The following TLNRD1 variants were observed in gnomAD, a reference collection of about 807,000 sequenced individuals.
TLNRD1 encodes talin rod domain-containing protein 1.
Under a neutral mutation model 19.5 loss-of-function variants are expected in TLNRD1, and 14 were observed. The ratio of observed to expected loss-of-function variants is 0.72; its 90% CI spans 0.47 to 1.12. The LOEUF (loss-of-function observed/expected upper bound fraction) is 1.12. TLNRD1 is among the 50% of genes most tolerant of loss of function. The pLI is 0.00. For missense variants in TLNRD1, 569 were observed against 531.9 expected (o/e 1.07, Z -0.69); for synonymous variants, 345 against 261.7 (o/e 1.32, Z -3.07).
chr15:81,002,421 G>C lies in TLNRD1; in HGVS notation c.150G>C (p.Leu50=). The change falls in exon 1 of 1, where the codon CTG becomes CTC. Residue 50 remains leucine, a synonymous_variant. Transcript: ENST00000267984. The part of the protein sequence containing the change: ...CKGKMQLVAD[L]LLLSSEARPV... Reference sequence around the variant, plus strand: ...GCAAGATGCAGCTGGTGGCTGACCTGCTGCTGCTGTCGAGCGAGGCGCGGC... The same window carrying C: ...GCAAGATGCAGCTGGTGGCTGACCTCCTGCTGCTGTCGAGCGAGGCGCGGC... 1 of 1,553,698 alleles carries C rather than the reference G, an allele frequency of 6.4e-7. No individual in the cohort carries two copies. Among genetic ancestry groups the C allele is most frequent in the Non-Finnish European group, 8.6e-7 (1 of 1,156,840 alleles).
At position 81,002,363 on chromosome 15, in the gene TLNRD1, A is replaced by G; in HGVS notation, c.92A>G (p.Lys31Arg). ...AIGGASSQPR[K>R]RLVSVCDHCK... is the part of the protein sequence containing the mutation. ...GGCGGGGCCAGCTCGCAGCCGCGGA[A>G]GAGGCTGGTATCCGTCTGCGACCAC... The change falls in exon 1 of 1, where the codon AAG becomes AGG. Residue 31 changes from lysine to arginine, a missense_variant. Coordinates refer to ENST00000267984, the MANE Select transcript of TLNRD1 (RefSeq NM_022566.3). 1 of 1,464,022 alleles carries G rather than the reference A, an allele frequency of 6.8e-7. No homozygotes were observed. The highest frequency in any genetic ancestry group is 9.0e-7 in the Non-Finnish European group (1 of 1,106,176). The allele number at this position is 1,464,022 out of a possible 1,614,324, so 90.7% of individuals were successfully genotyped here.
In TLNRD1 at chr15:81,002,005, C is replaced by G. The variant is rs1893417896; in HGVS notation, c.-267C>G. 1 of 264,712 alleles carries G rather than the reference C, an allele frequency of 3.8e-6. No homozygotes were observed. Among genetic ancestry groups the G allele is most frequent in the East Asian group, 6.8e-5 (1 of 14,730 alleles). 16.4% of individuals were successfully genotyped at this position (264,712 alleles called of 1,614,324 possible). ...CCCCGGTTCATGGTTCCTGCAAGCC[C>G]TCTAGGAGGCCGAAAGCTGCAGCCC... On this transcript the variant is annotated 5_prime_UTR_variant, in exon 1 of 1. Coordinates refer to ENST00000267984, the MANE Select transcript of TLNRD1 (RefSeq NM_022566.3).
chr15:81,003,208 C>T lies in TLNRD1; in HGVS notation c.937C>T (p.Pro313Ser). Residue 313 changes from proline (P) to serine (S), a missense_variant, in exon 1 of 1, where the codon CCC (proline) becomes TCC (serine). Transcript: ENST00000267984. ...TQCLRDLAQH[P>S]DGGAKMSDHR... ...GTGCCTCAGGGATCTGGCGCAGCACCCCGACGGGGGCGCCAAGATGTCGGA... is the reference window on the plus strand; with the variant it reads ...GTGCCTCAGGGATCTGGCGCAGCACTCCGACGGGGGCGCCAAGATGTCGGA... 2 of 1,597,672 alleles carry T rather than the reference C, an allele frequency of 1.3e-6. No homozygotes were observed. Among genetic ancestry groups the T allele is most frequent in the East Asian group, 2.3e-5 (1 of 44,256 alleles).
At position 81,002,281 on chromosome 15, in the gene TLNRD1, G is replaced by T; in HGVS notation, c.10G>T (p.Gly4Cys). The T allele has an allele frequency of 7.8e-7, 1 of 1,285,672 alleles. No individual in the cohort carries two copies. Among genetic ancestry groups the T allele is most frequent in the Non-Finnish European group, 9.9e-7 (1 of 1,014,392 alleles). 79.6% of individuals were successfully genotyped at this position (1,285,672 alleles called of 1,614,324 possible). A position where few individuals can be genotyped will look rare whatever the true frequency, so the allele number is the denominator to read the frequency against. The change falls in exon 1 of 1, where the codon GGC (glycine) becomes TGC (cysteine). Residue 4 changes from glycine to cysteine, a missense_variant. Gly to Cys is a radical substitution (Grantham distance 159). Transcript: ENST00000267984. ...GTGCCCCCCGGGCGCGATGGCTAGC[G>T]GCAGCGCCGGGAAGCCCACTGGCGA... is the stretch of plus-strand genomic sequence containing the variant. MASGSAGKPTGEAA... is the reference protein window; with the variant it reads MASCSAGKPTGEAA...
Position 81,001,629 on chromosome 15 carries a change from G to T in TLNRD1, c.-643G>T, listed in dbSNP as rs1893410518. The T allele has an allele frequency of 6.6e-6, 1 of 151,728 alleles. No individual in the cohort carries two copies. Among genetic ancestry groups the T allele is most frequent in the Non-Finnish European group, 1.5e-5 (1 of 67,902 alleles). The allele number at this position is 151,728 out of a possible 1,614,324, so 9.4% of individuals were successfully genotyped here. A position where few individuals can be genotyped will look rare whatever the true frequency, so the allele number is the denominator to read the frequency against. On this transcript the variant is annotated 5_prime_UTR_variant, in exon 1 of 1. Coordinates refer to ENST00000267984, the MANE Select transcript of TLNRD1 (RefSeq NM_022566.3). ...AGCTGGAGGCAGGAGATGCGCCCGG[G>T]GCGGCCGCGCGTCCCAGAGAGCCAG...
rs1037692035 is a variant in TLNRD1, at chr15:81,004,477, G to A, written c.*1117G>A. 6.0e-6 allele frequency: 1 copy of A among 167,066 alleles called. No homozygotes were observed. Among genetic ancestry groups the A allele is most frequent in the Non-Finnish European group, 1.5e-5 (1 of 68,126 alleles). The allele number at this position is 167,066 out of a possible 1,614,324, so 10.3% of individuals were successfully genotyped here. The stretch of plus-strand genomic sequence containing the variant: ...GAACTCTAAAAGTACTGTACATCAA[G>A]TGAGAATAGTTAGCATCTTTTATGT... On this transcript the variant is annotated 3_prime_UTR_variant, in exon 1 of 1. Transcript: ENST00000267984.
Position 81,002,866 on chromosome 15 carries a change from G to A in TLNRD1, c.595G>A (p.Ala199Thr). Reference sequence around the variant, plus strand: ...CCTCAAGTTCCTGACGGACGCGTGCGCCCTGGCCAGTGACAAGTCACGGGA... The same window carrying A: ...CCTCAAGTTCCTGACGGACGCGTGCACCCTGGCCAGTGACAAGTCACGGGA... ...RNLKFLTDAC[A>T]LASDKSRDRF... The change falls in exon 1 of 1, where the codon GCC becomes ACC. Residue 199 changes from alanine to threonine, a missense_variant. By Grantham distance (58) the Ala-to-Thr change is moderately conservative. Coordinates refer to ENST00000267984, the MANE Select transcript of TLNRD1 (RefSeq NM_022566.3). 2 of 1,596,712 alleles carry A rather than the reference G, an allele frequency of 1.3e-6. No homozygotes were observed. The highest frequency in any genetic ancestry group is 1.7e-6 in the Non-Finnish European group (2 of 1,178,782).
Position 81,003,126 on chromosome 15 carries a change from G to T in TLNRD1, c.855G>T (p.Gln285His). 1 of 1,562,318 alleles carries T rather than the reference G, an allele frequency of 6.4e-7. No individual in the cohort carries two copies. The highest frequency in any genetic ancestry group is 8.7e-7 in the Non-Finnish European group (1 of 1,154,918). The change falls in exon 1 of 1, where the codon CAG becomes CAT. Residue 285 changes from glutamine to histidine, a missense_variant. Coordinates refer to ENST00000267984, the MANE Select transcript of TLNRD1 (RefSeq NM_022566.3). Reference protein sequence around the residue: ...AAVSAEGKAVQTAILGGAMSV... With the variant: ...AAVSAEGKAVHTAILGGAMSV... ...TGAGCGCCGAGGGCAAGGCGGTGCA[G>T]ACCGCCATCCTGGGCGGCGCCATGA...
Position 81,002,696 on chromosome 15 carries a change from C to T in TLNRD1, c.425C>T (p.Pro142Leu). 1.3e-6 allele frequency: 2 copies of T among 1,492,216 alleles called. No homozygotes were observed. The highest frequency in any genetic ancestry group is 8.8e-7 in the Non-Finnish European group (1 of 1,130,572). 92.4% of individuals were successfully genotyped at this position (1,492,216 alleles called of 1,614,324 possible). ...LAAVATPGAQ[P>L]AQPGLVDRYR... ...GCTGTGGCCACGCCGGGCGCCCAGC[C>T]CGCGCAGCCGGGCCTGGTGGACCGC... Residue 142 changes from proline (P) to leucine (L), a missense_variant, in exon 1 of 1, where the codon CCC (proline) becomes CTC (leucine). Pro to Leu is a moderately conservative substitution (Grantham distance 98). Transcript: ENST00000267984.
Position 81,002,040 on chromosome 15 carries a change from C to A in TLNRD1, c.-232C>A, listed in dbSNP as rs1893418506. On this transcript the variant is annotated 5_prime_UTR_variant, in exon 1 of 1. Transcript: ENST00000267984. ...CCGAAAGCTGCAGCCCCTCCCCTTG[C>A]CCCGAAGAGCCTTCCGCGTTCTCTC... is the stretch of plus-strand genomic sequence containing the variant. 6.2e-6 allele frequency: 2 copies of A among 321,106 alleles called. No individual in the cohort carries two copies. Among genetic ancestry groups the A allele is most frequent in the African/African-American group, 2.2e-5 (1 of 45,614 alleles). 19.9% of individuals were successfully genotyped at this position (321,106 alleles called of 1,614,324 possible).
chr15:81,002,844 C>T lies in TLNRD1; in HGVS notation c.573C>T (p.Leu191=). Residue 191 remains leucine, a synonymous_variant, in exon 1 of 1, where the codon CTC becomes CTT. Coordinates refer to ENST00000267984, the MANE Select transcript of TLNRD1 (RefSeq NM_022566.3). ...LEVSQGLSRN[L]KFLTDACALA... ...TGTCGCAGGGCCTGTCGCGCAACCT[C>T]AAGTTCCTGACGGACGCGTGCGCCC... is the stretch of plus-strand genomic sequence containing the variant. 3 of 1,594,566 alleles carry T rather than the reference C, an allele frequency of 1.9e-6. No homozygotes were observed. The highest frequency in any genetic ancestry group is 2.5e-6 in the Non-Finnish European group (3 of 1,177,694).
In TLNRD1 at chr15:81,003,639, C is replaced by G. The variant is rs74525494; in HGVS notation, c.*279C>G. The G allele has an allele frequency of 0.049, 17,321 of 357,088 alleles. 528 individuals carry two copies. The highest frequency in any genetic ancestry group is 0.13 in the Middle Eastern group (178 of 1,336). The allele number at this position is 357,088 out of a possible 1,614,324, so 22.1% of individuals were successfully genotyped here. On this transcript the variant is annotated 3_prime_UTR_variant, in exon 1 of 1. Transcript: ENST00000267984. The stretch of plus-strand genomic sequence containing the variant: ...ACTCCCACCCCCTACCCCAGCCCGT[C>G]TTCCGGAATTTCTCAACTAAATTTC...
In TLNRD1 at chr15:81,002,942, G is replaced by A. The variant is rs774076838; in HGVS notation, c.671G>A (p.Ser224Asn). 60 of 1,594,196 alleles carry A rather than the reference G, an allele frequency of 3.8e-5. No individual in the cohort carries two copies. The highest frequency in any genetic ancestry group is 4.9e-5 in the Non-Finnish European group (58 of 1,176,980). Residue 224 changes from serine (S) to asparagine (N), a missense_variant, in exon 1 of 1, where the codon AGC (serine) becomes AAC (asparagine). Ser to Asn is a conservative substitution (Grantham distance 46). Transcript: ENST00000267984. ...CTGGGCGTCAAGTGCATGAGCACCA[G>A]CGCGTCGGCGCTGCTGGCCTGCGTG... is the stretch of plus-strand genomic sequence containing the variant. ...FKLGVKCMST[S>N]ASALLACVRE...
In TLNRD1 at chr15:81,001,364, G is replaced by C. The variant is rs1893404937; in HGVS notation, c.-908G>C. On this transcript the variant is annotated 5_prime_UTR_variant, in exon 1 of 1. Transcript: ENST00000267984. ...CAGCCAGCGCCGGGCCGCCGGGCGC[G>C]CGGTCTGGGAGGGCGTGCCGCCGCG... The C allele has an allele frequency of 6.6e-6, 1 of 151,368 alleles. No homozygotes were observed. Among genetic ancestry groups the C allele is most frequent in the Non-Finnish European group, 1.5e-5 (1 of 67,858 alleles). 9.4% of individuals were successfully genotyped at this position (151,368 alleles called of 1,614,324 possible).
rs1198457252 is a variant in TLNRD1 at position 81,004,953 on chromosome 15, CT to C, written c.*1596del. 6.0e-6 allele frequency: 1 copy of C among 167,028 alleles called. No individual in the cohort carries two copies. Among genetic ancestry groups the C allele is most frequent in the Non-Finnish European group, 1.5e-5 (1 of 68,108 alleles). 10.3% of individuals were successfully genotyped at this position (167,028 alleles called of 1,614,324 possible). ...TTCTTGGGATTTGTTGTGCTTAAAC[CT>C]TTGCAGTTCCCACAGATCTGAAAAG... On this transcript the variant is annotated 3_prime_UTR_variant, in exon 1 of 1. Coordinates refer to ENST00000267984, the MANE Select transcript of TLNRD1 (RefSeq NM_022566.3).
At position 81,003,931 on chromosome 15, in the gene TLNRD1, C is replaced by T. The variant is rs563091186; in HGVS notation, c.*571C>T. The T allele has an allele frequency of 1.8e-5, 3 of 164,138 alleles. No homozygotes were observed. The allele number at this position is 164,138 out of a possible 1,614,324, so 10.2% of individuals were successfully genotyped here. ...TTACACTATAGAGTGATTTTTTTTT[C>T]CCCCAACGTCAAGTTTTTACCTTGC... On this transcript the variant is annotated 3_prime_UTR_variant, in exon 1 of 1. Transcript: ENST00000267984.
Position 81,003,394 on chromosome 15 carries a change from G to A in TLNRD1, c.*34G>A, listed in dbSNP as rs529617120. The A allele has an allele frequency of 4.6e-6, 7 of 1,531,756 alleles. No homozygotes were observed. The South Asian group carries it at 8.6e-5, about 19-fold the overall frequency. 94.9% of individuals were successfully genotyped at this position (1,531,756 alleles called of 1,614,324 possible). Reference sequence around the variant, plus strand: ...CCCCATACCCCTTCTTCCACCCCCAGACTAAAGGAAGATACTTACTCTCTG... The same window carrying A: ...CCCCATACCCCTTCTTCCACCCCCAAACTAAAGGAAGATACTTACTCTCTG... On this transcript the variant is annotated 3_prime_UTR_variant, in exon 1 of 1. Coordinates refer to ENST00000267984, the MANE Select transcript of TLNRD1 (RefSeq NM_022566.3).
rs991899369 is a variant in TLNRD1, at chr15:81,001,874, G to A, written c.-398G>A. 6.3e-6 allele frequency: 1 copy of A among 158,008 alleles called. No individual in the cohort carries two copies. The highest frequency in any genetic ancestry group is 1.4e-5 in the Non-Finnish European group (1 of 72,150). The allele number at this position is 158,008 out of a possible 1,614,324, so 9.8% of individuals were successfully genotyped here. On this transcript the variant is annotated 5_prime_UTR_variant, in exon 1 of 1. Transcript: ENST00000267984. ...CCCCGTCCCGCCCTCCCCGCTCCGA[G>A]GGCCGCGCCAGGCCATGCCCAAGAA...
chr15:81,002,835 G>T lies in TLNRD1; in HGVS notation c.564G>T (p.Ser188=), dbSNP rs1239700429. The change falls in exon 1 of 1, where the codon TCG becomes TCT. Residue 188 remains serine (S), a synonymous_variant. Coordinates refer to ENST00000267984, the MANE Select transcript of TLNRD1 (RefSeq NM_022566.3). ...QLLLEVSQGL[S]RNLKFLTDAC... Reference sequence around the variant, plus strand: ...TGCTGGAGGTGTCGCAGGGCCTGTCGCGCAACCTCAAGTTCCTGACGGACG... The same window carrying T: ...TGCTGGAGGTGTCGCAGGGCCTGTCTCGCAACCTCAAGTTCCTGACGGACG... 4 of 1,591,592 alleles carry T rather than the reference G, an allele frequency of 2.5e-6. No individual in the cohort carries two copies. The highest frequency in any genetic ancestry group is 1.7e-5 in the Admixed American group (1 of 59,500).
Sources: gnomAD v4.1 joint callset for allele counts on GRCh38, gnomAD v4.1.1 for gene constraint, MANE v1.5 for transcripts, NCBI Gene and HGNC (gene_info 2026-07-23, HGNC 2026-07-21) for gene names.